The following BOLL variants were observed in gnomAD, a reference collection of about 807,000 sequenced individuals.
BOLL encodes protein boule-like.
BOLL carries 23 observed loss-of-function variants against 44.4 expected under a neutral mutation model. The ratio of observed to expected loss-of-function variants is 0.52; its 90% CI spans 0.37 to 0.73. The LOEUF is 0.73. Among genes scored for constraint, BOLL ranks in the 30% least tolerant of loss-of-function variants. The pLI, the probability that BOLL is intolerant of heterozygous loss-of-function variation, is 0.00. For missense variants in BOLL, 287 were observed against 338.3 expected (o/e 0.85, Z 1.19); for synonymous variants, 97 against 110.8 (o/e 0.88, Z 0.78).
In BOLL at chr2:197,776,112, C is replaced by T. The variant is rs188269316; in HGVS notation, c.277-372G>A. On this transcript the variant is annotated intron_variant, in intron 4 of 10. Transcript: ENST00000392296. ...TGATGCGCATGCTCCCAGTTGAGGT[C>T]AAATAAGGCGATATTCTTTCTTCTT... Among the ~76,000 whole-genome samples, 280 of 151,904 alleles carry T rather than the reference C, an allele frequency of 1.8e-3. 1 individual carries two copies. The highest frequency in any genetic ancestry group is 2.9e-3 in the Non-Finnish European group (194 of 67,848).
In BOLL at chr2:197,766,598, A is replaced by T. The variant is rs1349741688; in HGVS notation, c.486T>A (p.Arg162=). The T allele has an allele frequency of 1.9e-6, 3 of 1,611,706 alleles. No individual in the cohort carries two copies. Among genetic ancestry groups the T allele is most frequent in the Non-Finnish European group, 8.5e-7 (1 of 1,178,430 alleles). The stretch of plus-strand genomic sequence containing the variant: ...CCATCACAGGGGAGCTACATACAGA[A>T]CGTGACTATAAAAGGATGGAAAAAG... ...VTSVPPPWPS[R]SVCSSPVMVA... The change falls in exon 7 of 11, where the codon CGT becomes CGA. Residue 162 remains arginine (R), a synonymous_variant. Transcript: ENST00000392296.
chr2:197,775,562 A>G, intron 5 of BOLL, 103 bp downstream of exon 5: 2 of 791,486 alleles, frequency 2.5e-6, no homozygotes. Flanking sequence ...ACTTTATTAG[A>G]TGAAAGAAAC....
At position 197,743,192 on chromosome 2, in the gene BOLL, T is replaced by G. The variant is rs889408474; in HGVS notation, c.730-33A>C. ...AAAAAAAGAGAGAAAAAATGTCACC[T>G]TTCATCTATTAATTCTAAATATTTA... is the stretch of plus-strand genomic sequence containing the variant. On this transcript the variant is annotated intron_variant, in intron 9 of 10. Transcript: ENST00000392296. The G allele has an allele frequency of 2.1e-6, 3 of 1,453,090 alleles. No individual in the cohort carries two copies. The African/African-American group carries it at 4.3e-5, about 21-fold the overall frequency. 90.0% of individuals were successfully genotyped at this position (1,453,090 alleles called of 1,614,324 possible).
At chr2:197,741,807 C>A (rs980262803) in intron 10 of BOLL, among the ~76,000 whole-genome samples, 17 of 152,206 alleles carry the variant, frequency 1.1e-4, no homozygotes, top group African/African-American at 3.6e-4. Context: ...CCAAAATTGA[C>A]AAATGGGATC....
intron 2 of BOLL, 116 bp from the exon 3 acceptor site, chr2:197,779,182 CTCA>C (rs920116623): frequency 1.4e-6 from 1 of 707,784 alleles, no homozygotes; most frequent in Non-Finnish European, 2.3e-6. Flanking sequence ...AAAAATGCCT[CTCA>C]TCATCAAAAC....
intron 10 of BOLL, among the ~76,000 whole-genome samples, chr2:197,729,855 G>C (rs1248318661): frequency 1.3e-5 from 2 of 151,818 alleles, no homozygotes; most frequent in Non-Finnish European, 2.9e-5. Flanking sequence ...AAACCACAAA[G>C]ATGGGGAAAA....
In BOLL at chr2:197,737,692, A is replaced by G. The variant is rs112280316; in HGVS notation, c.828+5369T>C. On this transcript the variant is annotated intron_variant, in intron 10 of 10. Transcript: ENST00000392296. ...CAAATGAGGAAATGGTTGGGAAAAA[A>G]ATACTGGTAGTGGAATCTTTTTGTA... Among the ~76,000 whole-genome samples the G allele has an allele frequency of 7.1e-3, 1,084 of 152,246 alleles. 23 individuals carry two copies. Among genetic ancestry groups the G allele is most frequent in the African/African-American group, 0.024 (1,015 of 41,556 alleles).
chr2:197,741,089 G>A lies in BOLL; in HGVS notation c.828+1972C>T, dbSNP rs190711630. ...CCTTGGGCAGTATGGCCATTTTCAC[G>A]ATATTGATTCTTCCTACCCGTGAGC... On this transcript the variant is annotated intron_variant, in intron 10 of 10. Coordinates refer to ENST00000392296, the MANE Select transcript of BOLL (RefSeq NM_033030.6). 3.3e-3 allele frequency among the ~76,000 whole-genome samples: 495 copies of A among 152,148 alleles called. 4 individuals are homozygous for A. Among genetic ancestry groups the A allele is most frequent in the Middle Eastern group, 0.014 (4 of 292 alleles).
chr2:197,758,566 T>C (rs1015129845), intron 7 of BOLL, among the ~76,000 whole-genome samples: 2 of 152,076 alleles, frequency 1.3e-5, no homozygotes, highest in African/African-American at 2.4e-5. Flanking sequence ...CCATAGACAA[T>C]AAGTAAACAA....
chr2:197,729,445 A>G (rs1349291358), intron 10 of BOLL, among the ~76,000 whole-genome samples: 1 of 152,140 alleles, frequency 6.6e-6, no homozygotes, highest in Non-Finnish European at 1.5e-5. Context: ...GGGAAGCTCC[A>G]ACTGGGTGGA....
At position 197,757,365 on chromosome 2, in the gene BOLL, C is replaced by G. The variant is rs1262746156; in HGVS notation, c.588G>C (p.Trp196Cys). ...TTQYLPGQWQ[W>C]SVPQPSASSA... ...AGTTAACATTTACCTGAGGAACACT[C>G]CACTGCCACTGTCCTGGTAAATACT... is the stretch of plus-strand genomic sequence containing the variant. Residue 196 changes from tryptophan (W) to cysteine (C), a missense_variant, in exon 8 of 11, where the codon TGG becomes TGC. By Grantham distance (215) the Trp-to-Cys change is radical. Coordinates refer to ENST00000392296, the MANE Select transcript of BOLL (RefSeq NM_033030.6). 2.5e-6 allele frequency: 4 copies of G among 1,610,100 alleles called. No individual in the cohort carries two copies. The highest frequency in any genetic ancestry group is 2.5e-6 in the Non-Finnish European group (3 of 1,177,780).
chr2:197,759,074 C>T (rs1434051814), intron 7 of BOLL: 7 of 1,208,838 alleles, frequency 5.8e-6, no homozygotes, highest in Non-Finnish European at 8.1e-6. Flanking sequence ...ATTCATTTTC[C>T]ACTGGCTCCC....
chr2:197,767,269 T>C lies in BOLL; in HGVS notation c.481-666A>G, dbSNP rs950189295. ...AAAACAGGCAAGTTGTATTGCAAGATAGTAAAACTGGCTCTAATGTAGCAA... is the reference window on the plus strand; with the variant it reads ...AAAACAGGCAAGTTGTATTGCAAGACAGTAAAACTGGCTCTAATGTAGCAA... On this transcript the variant is annotated intron_variant, in intron 6 of 10. Transcript: ENST00000392296. Among the ~76,000 whole-genome samples the C allele has an allele frequency of 3.9e-5, 6 of 152,118 alleles. No individual in the cohort carries two copies. The South Asian group carries it at 6.2e-4, about 16-fold the overall frequency.
intron 10 of BOLL, among the ~76,000 whole-genome samples, chr2:197,738,904 A>G (rs1687617518): frequency 6.6e-6 from 1 of 152,218 alleles, no homozygotes; most frequent in Non-Finnish European, 1.5e-5. Flanking sequence ...TTCATAATGT[A>G]GAACAACATT....
Position 197,771,901 on chromosome 2 carries a change from G to A in BOLL, c.434C>T (p.Ala145Val), listed in dbSNP as rs1278089537. The change falls in exon 6 of 11, where the codon GCT becomes GTT. Residue 145 changes from alanine to valine, a missense_variant. By Grantham distance (64) the Ala-to-Val change is moderately conservative. Transcript: ENST00000392296. ...AGTTACCTCTGGAGTATGAAAATAA[G>A]CAACACCATTATGGTAAGTATAAGG... ...GYPYTYHNGV[A>V]YFHTPEVTSV... 1 of 1,598,494 alleles carries A rather than the reference G, an allele frequency of 6.3e-7. No individual in the cohort carries two copies. The highest frequency in any genetic ancestry group is 8.5e-7 in the Non-Finnish European group (1 of 1,171,960).
rs1339243205 is a variant in BOLL, at chr2:197,779,187, C to T, written c.130-121G>A. 8.9e-6 allele frequency: 6 copies of T among 676,734 alleles called. No individual in the cohort carries two copies. In the East Asian group the frequency reaches 1.7e-4, roughly 19 times the overall value. The allele number at this position is 676,734 out of a possible 1,614,324, so 41.9% of individuals were successfully genotyped here. A position where few individuals can be genotyped will look rare whatever the true frequency, so the allele number is the denominator to read the frequency against. Reference sequence around the variant, plus strand: ...AAGATGCATGAAAAATGCCTCTCATCATCAAAACAGTGCATAAACCACTAG... The same window carrying T: ...AAGATGCATGAAAAATGCCTCTCATTATCAAAACAGTGCATAAACCACTAG... On this transcript the variant is annotated intron_variant, in intron 2 of 10. Coordinates refer to ENST00000392296, the MANE Select transcript of BOLL (RefSeq NM_033030.6).
intron 10 of BOLL, among the ~76,000 whole-genome samples, chr2:197,736,503 G>T (rs1221664920): frequency 6.6e-6 from 1 of 151,960 alleles, no homozygotes; most frequent in African/African-American, 2.4e-5. Flanking sequence ...TAATTTCTTC[G>T]TTTTGCTAAT....
At chr2:197,777,266 A>G (rs1689558477) in intron 3 of BOLL, among the ~76,000 whole-genome samples, 153 bp from the exon 4 acceptor site, 1 of 151,878 alleles carries the variant, frequency 6.6e-6, no homozygotes, top group Admixed American at 6.6e-5. Context: ...TCTTAGAAGA[A>G]TCATTCACAG....
intron 10 of BOLL, among the ~76,000 whole-genome samples, chr2:197,732,540 A>T (rs1687242094): frequency 6.6e-6 from 1 of 151,914 alleles, no homozygotes; most frequent in East Asian, 1.9e-4. Flanking sequence ...TCCTTGATGA[A>T]CATTGATGCA....
Sources: gnomAD v4.1 joint callset for allele counts (sites outside exome capture counted in the v4.1 genomes callset) on GRCh38, gnomAD v4.1.1 for gene constraint, MANE v1.5 for transcripts, NCBI Gene and HGNC (gene_info 2026-07-23, HGNC 2026-07-21) for gene names.